PLAUR: variants seen among roughly 807,000 people sequenced by gnomAD.
The protein encoded by PLAUR is plasminogen activator, urokinase receptor, also known as urokinase plasminogen activator surface receptor.
Under a neutral mutation model 33.4 loss-of-function variants are expected in PLAUR, and 22 were observed. The observed-to-expected ratio is 0.66, with a 90% CI of 0.47 to 0.94. The LOEUF is 0.94. Ranked by LOEUF, PLAUR falls within the 40% of genes least tolerant of loss-of-function variation. PLAUR has a pLI of 0.00. For synonymous variants in PLAUR, 148 were observed against 167.3 expected, an observed-to-expected ratio of 0.88 and a Z score of 0.89; for missense variants, 408 against 434.7, an observed-to-expected ratio of 0.94 and a Z score of 0.55.
chr19:43,659,167 C>CCTTTTTT (rs1713771038), intron 3 of PLAUR, among the ~76,000 whole-genome samples: 1 of 97,138 alleles, frequency 1.0e-5, no homozygotes, highest in East Asian at 2.9e-4. Flanking sequence ...CTTTTCTTTT[C>CCTTTTTT]TTTTTTTTTT....
chr19:43,658,554 G>C (rs1974304126), intron 3 of PLAUR, among the ~76,000 whole-genome samples: 1 of 152,150 alleles, frequency 6.6e-6, no homozygotes, highest in South Asian at 2.1e-4. Flanking sequence ...TTCGCCTTTT[G>C]CACGAACCTT....
downstream of PLAUR, chr19:43,646,263 C>A: frequency 1.8e-6 from 1 of 549,066 alleles, no homozygotes; most frequent in Non-Finnish European, 3.3e-6. Context: ...GATATAGGCA[C>A]ACAATGTGTT....
chr19:43,650,203 G>A (rs1196766974), intron 6 of PLAUR, among the ~76,000 whole-genome samples: 2 of 150,888 alleles, frequency 1.3e-5, no homozygotes, highest in Non-Finnish European at 3.0e-5. Context: ...TAGAGACGGG[G>A]TTTCACCATA....
downstream of PLAUR, chr19:43,646,636 C>A: frequency 1.5e-6 from 1 of 685,468 alleles, no homozygotes; most frequent in South Asian, 1.6e-5. Context: ...TTCTACTGGT[C>A]AAAGCAGTCA....
intron 4 of PLAUR, among the ~76,000 whole-genome samples, chr19:43,655,928 T>C (rs987690013): frequency 8.5e-5 from 13 of 152,076 alleles, no homozygotes; most frequent in African/African-American, 3.1e-4. Context: ...TTTTAGACTA[T>C]GAGGCATTTT....
At chr19:43,665,621 A>AC (rs1204067300) in intron 2 of PLAUR, among the ~76,000 whole-genome samples, 162 bp from the exon 3 acceptor site, 2 of 137,974 alleles carry the variant, frequency 1.4e-5, no homozygotes, top group Non-Finnish European at 3.1e-5. Context: ...CCTTGCCTCC[A>AC]CCCCCACCCC....
intron 3 of PLAUR, among the ~76,000 whole-genome samples, chr19:43,663,713 G>A (rs531490872): frequency 2.0e-5 from 3 of 151,664 alleles, no homozygotes; most frequent in African/African-American, 7.3e-5. Context: ...CCTAGGAGGC[G>A]GAGGTTGCAG....
At position 43,655,556 on chromosome 19, in the gene PLAUR, G is replaced by A. The variant is rs750699531; in HGVS notation, c.490C>T (p.Arg164Cys). The A allele has an allele frequency of 1.9e-5, 31 of 1,613,920 alleles. No individual in the cohort carries two copies. The highest frequency in any genetic ancestry group is 1.3e-5 in the African/African-American group (1 of 74,942). ...EGEEGRPKDD[R>C]HLRGCGYLPG... ...AGGTAGCCACAGCCACGGAGGTGGC[G>A]GTCATCCTTTGGACGCCCTATGGGG... Residue 164 changes from arginine to cysteine, a missense_variant, in exon 5 of 7, where the codon CGC becomes TGC. Arg to Cys is a radical substitution (Grantham distance 180). Coordinates refer to ENST00000340093, the MANE Select transcript of PLAUR (RefSeq NM_002659.4).
At chr19:43,655,107 T>C (rs1036728366) in intron 5 of PLAUR, among the ~76,000 whole-genome samples, 2 of 151,018 alleles carry the variant, frequency 1.3e-5, no homozygotes, top group African/African-American at 4.9e-5. Context: ...GAAACCCCCA[T>C]CTCTACTAAA....
chr19:43,669,933 C>T (rs200026172), intron 1 of PLAUR, 133 bp downstream of exon 1: 18 of 839,510 alleles, frequency 2.1e-5, no homozygotes, highest in Non-Finnish European at 2.7e-5. Flanking sequence ...GCACAAAGCA[C>T]GAGAATTACT....
chr19:43,653,460 C>G (rs4251905), intron 5 of PLAUR, among the ~76,000 whole-genome samples: 9,847 of 152,264 alleles, frequency 0.065, 380 homozygotes, highest in Middle Eastern at 0.19. Context: ...GGATATTCAT[C>G]TGCAAGGGCC....
intron 5 of PLAUR, among the ~76,000 whole-genome samples, 163 bp downstream of exon 5, chr19:43,655,276 C>CAAAAAA (rs34689348): frequency 2.0e-4 from 13 of 66,188 alleles, no homozygotes; most frequent in African/African-American, 6.0e-4. Flanking sequence ...GACTCCGTCT[C>CAAAAAA]AAAAAAAAAA....
rs746805798 is a variant in PLAUR, at chr19:43,649,633, AAG to A, written c.755-492_755-491del. On this transcript the variant is annotated intron_variant, in intron 6 of 6. Transcript: ENST00000340093. ...GGGAAGAAGGGAAAGAAAAGAAAGA[AAG>A]AGAGAGAGAGGGAGGAAGGAAGGAA... Among the ~76,000 whole-genome samples the A allele has an allele frequency of 6.5e-3, 929 of 143,476 alleles. 8 individuals are homozygous for A. Among genetic ancestry groups the A allele is most frequent in the African/African-American group, 0.023 (890 of 39,396 alleles). The allele number at this position is 143,476 out of a possible 152,430, so 94.1% of individuals were successfully genotyped here.
At chr19:43,669,472 T>C (rs1967423938) in intron 1 of PLAUR, among the ~76,000 whole-genome samples, 1 of 152,092 alleles carries the variant, frequency 6.6e-6, no homozygotes, top group Non-Finnish European at 1.5e-5. Flanking sequence ...TCCCATCGCC[T>C]AGTTTGAAAT....
chr19:43,656,573 G>A lies in PLAUR; in HGVS notation c.378C>T (p.Ser126=). The A allele has an allele frequency of 6.2e-7, 1 of 1,613,046 alleles. No homozygotes were observed. The highest frequency in any genetic ancestry group is 8.5e-7 in the Non-Finnish European group (1 of 1,179,404). The change falls in exon 4 of 7, where the codon AGC becomes AGT. Residue 126 remains serine, a synonymous_variant. Transcript: ENST00000340093. ...ECISCGSSDM[S]CERGRHQSLQ... Reference sequence around the variant, plus strand: ...GGCTCTGGTGCCGGCCCCTCTCACAGCTCATGTCTGATGAGCCACAGGAAA... The same window carrying A: ...GGCTCTGGTGCCGGCCCCTCTCACAACTCATGTCTGATGAGCCACAGGAAA...
downstream of PLAUR, chr19:43,646,131 G>T (rs1600107256): frequency 5.1e-6 from 1 of 195,110 alleles, no homozygotes; most frequent in East Asian, 1.5e-4. Context: ...TGGAGATGAG[G>T]TCTCACTGTG....
chr19:43,648,215 A>G (rs4251929), downstream of PLAUR, among the ~76,000 whole-genome samples: 18,190 of 151,662 alleles, frequency 0.12, 2,085 homozygotes, highest in African/African-American at 0.3. Context: ...TTGCTCTGTC[A>G]CCCAGGCTGG....
At chr19:43,655,076 GA>G (rs980491794) in intron 5 of PLAUR, among the ~76,000 whole-genome samples, 1 of 151,744 alleles carries the variant, frequency 6.6e-6, no homozygotes, top group African/African-American at 2.4e-5. Flanking sequence ...AGGAGTTCGA[GA>G]CCAGCCTGGC....
intron 3 of PLAUR, among the ~76,000 whole-genome samples, chr19:43,659,442 G>A (rs4251859): frequency 0.1 from 15,805 of 152,064 alleles, 875 homozygotes; most frequent in Admixed American, 0.13. Flanking sequence ...CGTGAGTACC[G>A]CACCTGGCCA....
Sources: gnomAD v4.1 joint callset for allele counts (sites outside exome capture counted in the v4.1 genomes callset) on GRCh38, gnomAD v4.1.1 for gene constraint, MANE v1.5 for transcripts, NCBI Gene and HGNC (gene_info 2026-07-23, HGNC 2026-07-21) for gene names.